Variants in GALNT3 observed in about 807,000 individuals in gnomAD.
GALNT3 encodes GalNAc transferase 3.
GALNT3 carries 51 observed loss-of-function variants against 69.8 expected under a neutral mutation model. That is an observed-to-expected ratio of 0.73 (90% CI 0.58 to 0.92). The LOEUF (loss-of-function observed/expected upper bound fraction) is 0.92. Among genes scored for constraint, GALNT3 ranks in the 40% least tolerant of loss-of-function variants. The probability of loss-of-function intolerance (pLI) is 0.00; values close to 1 mark genes in which losing one functional copy is unlikely to be tolerated. For missense variants in GALNT3, 711 were observed against 760.0 expected, an observed-to-expected ratio of 0.94 and a Z score of 0.76; for synonymous variants, 265 against 248.5, an observed-to-expected ratio of 1.07 and a Z score of -0.63.
rs1468896542 is a variant in GALNT3 at position 165,769,445 on chromosome 2, A to T, written c.515+741T>A. Among the ~76,000 whole-genome samples the T allele has an allele frequency of 2.7e-5, 4 of 145,796 alleles. No homozygotes were observed. In the East Asian group the frequency reaches 8.2e-4, roughly 30 times the overall value. ...AATAATAATAATAATAATAATAAATAAATAAATAAATAATCTGTTGAGGGT... is the reference window on the plus strand; with the variant it reads ...AATAATAATAATAATAATAATAAATTAATAAATAAATAATCTGTTGAGGGT... On this transcript the variant is annotated intron_variant, in intron 2 of 10. Coordinates refer to ENST00000392701, the MANE Select transcript of GALNT3 (RefSeq NM_004482.4).
intron 3 of GALNT3, 101 bp downstream of exon 3, chr2:165,764,783 A>G (rs1416638780): frequency 7.7e-6 from 9 of 1,168,598 alleles, no homozygotes; most frequent in Non-Finnish European, 1.3e-6. Context: ...TATTATATTC[A>G]AGCTCTGAGA....
intron 1 of GALNT3, among the ~76,000 whole-genome samples, chr2:165,780,781 T>C (rs1683089198): frequency 1.3e-5 from 2 of 151,948 alleles, no homozygotes; most frequent in African/African-American, 4.8e-5. Flanking sequence ...GAAGTCTGAG[T>C]CCCTGGTTCA....
intron 1 of GALNT3, among the ~76,000 whole-genome samples, chr2:165,792,816 A>C (rs1392483761): frequency 6.6e-6 from 1 of 152,200 alleles, no homozygotes; most frequent in Non-Finnish European, 1.5e-5. Flanking sequence ...GCAGCGTGTG[A>C]CTTTAACCTC....
intron 1 of GALNT3, among the ~76,000 whole-genome samples, chr2:165,781,840 A>G (rs1189547013): frequency 6.6e-6 from 1 of 152,194 alleles, no homozygotes; most frequent in Non-Finnish European, 1.5e-5. Context: ...TCTAGCCCTG[A>G]GGCAAGACTG....
chr2:165,773,336 C>A (rs1435939712), intron 1 of GALNT3, among the ~76,000 whole-genome samples: 1 of 152,162 alleles, frequency 6.6e-6, no homozygotes, highest in African/African-American at 2.4e-5. Context: ...GTAAGACGTG[C>A]CTTTGCTCTT....
chr2:165,780,340 C>A (rs1200926824), intron 1 of GALNT3, among the ~76,000 whole-genome samples: 1 of 152,178 alleles, frequency 6.6e-6, no homozygotes, highest in Non-Finnish European at 1.5e-5. Flanking sequence ...CATTCACATA[C>A]CTCTTCCTCA....
chr2:165,775,134 C>T (rs569724426), intron 1 of GALNT3, among the ~76,000 whole-genome samples: 1 of 151,822 alleles, frequency 6.6e-6, no homozygotes, highest in Non-Finnish European at 1.5e-5. Flanking sequence ...AGTTTAAGAC[C>T]AGCATTTTTC....
chr2:165,767,378 T>C (rs929685596), intron 2 of GALNT3, among the ~76,000 whole-genome samples: 2 of 152,110 alleles, frequency 1.3e-5, no homozygotes, highest in African/African-American at 4.8e-5. Flanking sequence ...TTAATTAATA[T>C]AGTATTAATC....
intron 1 of GALNT3, among the ~76,000 whole-genome samples, chr2:165,788,117 A>G (rs1397540851): frequency 6.6e-6 from 1 of 152,054 alleles, no homozygotes; most frequent in East Asian, 1.9e-4. Context: ...TCACAAGGTC[A>G]GGAGATCAAG....
In GALNT3 at chr2:165,761,893, A is replaced by G. The variant is rs1290696519; in HGVS notation, c.838+12T>C. The G allele has an allele frequency of 7.4e-6, 12 of 1,613,842 alleles. No homozygotes were observed. Among genetic ancestry groups the G allele is most frequent in the East Asian group, 6.7e-5 (3 of 44,872 alleles). On this transcript the variant is annotated intron_variant, in intron 4 of 10. Transcript: ENST00000392701. ...GAAAATGTTACAACCATATCCATAC[A>G]TATATACTTACAGTGAGCATCTAAA...
intron 2 of GALNT3, among the ~76,000 whole-genome samples, chr2:165,768,792 CTTTT>C (rs71028502): frequency 2.1e-4 from 27 of 126,202 alleles, no homozygotes; most frequent in African/African-American, 3.5e-4. Flanking sequence ...ATCTTGTACT[CTTTT>C]TTTTTTTTTT....
chr2:165,749,428 AT>A (rs1428985462), intron 10 of GALNT3, among the ~76,000 whole-genome samples: 19 of 152,146 alleles, frequency 1.2e-4, no homozygotes, highest in Admixed American at 7.2e-4. Context: ...CAGAAAAAAA[AT>A]ATGACTGTTG....
At chr2:165,789,684 C>CA (rs1434092187) in intron 1 of GALNT3, among the ~76,000 whole-genome samples, 1 of 139,262 alleles carries the variant, frequency 7.2e-6, no homozygotes, top group Admixed American at 7.5e-5. Flanking sequence ...GCCTGGGCAA[C>CA]ATAGTGAGAC....
Position 165,770,390 on chromosome 2 carries a change from G to C in GALNT3, c.311C>G (p.Ala104Gly), listed in dbSNP as rs778442174. ...ERPCLQGYYT[A>G]AELKPVLDRP... ...GTCAAGGACAGGCTTCAATTCTGCT[G>C]CTGTATAATATCCTTGCAAACAAGG... The change falls in exon 2 of 11, where the codon GCA becomes GGA. Residue 104 changes from alanine (A) to glycine (G), a missense_variant. Physicochemically the swap from Ala to Gly is moderately conservative, Grantham distance 60. Coordinates refer to ENST00000392701, the MANE Select transcript of GALNT3 (RefSeq NM_004482.4). The C allele has an allele frequency of 4.3e-6, 7 of 1,614,088 alleles. No homozygotes were observed. In the Admixed American group the frequency reaches 8.3e-5, roughly 19 times the overall value.
intron 2 of GALNT3, among the ~76,000 whole-genome samples, chr2:165,769,793 C>T (rs1438768420): frequency 6.6e-6 from 1 of 152,146 alleles, no homozygotes; most frequent in African/African-American, 2.4e-5. Context: ...TGTTTTTAAA[C>T]ATTTTTATTC....
intron 4 of GALNT3, 49 bp downstream of exon 4, chr2:165,761,856 G>A: frequency 6.3e-7 from 1 of 1,585,464 alleles, no homozygotes; most frequent in South Asian, 1.1e-5. Context: ...TTAAATTAGA[G>A]GGAGAGGGAG....
rs1688298151 is a variant in GALNT3, at chr2:165,748,439, A to C, written c.*342T>G. 3.5e-6 allele frequency: 1 copy of C among 287,650 alleles called. No individual in the cohort carries two copies. Among genetic ancestry groups the C allele is most frequent in the African/African-American group, 2.2e-5 (1 of 45,944 alleles). The allele number at this position is 287,650 out of a possible 1,614,324, so 17.8% of individuals were successfully genotyped here. On this transcript the variant is annotated 3_prime_UTR_variant, in exon 11 of 11. Transcript: ENST00000392701. ...CCAAAAAACTAGGGGAAATATTTTA[A>C]ATTGTGAGTGTGTGAATGTAGCTAT...
chr2:165,779,746 A>C (rs1164981309), intron 1 of GALNT3, among the ~76,000 whole-genome samples: 1 of 152,224 alleles, frequency 6.6e-6, no homozygotes, highest in Non-Finnish European at 1.5e-5. Context: ...GAGAAAGCTG[A>C]TTGAAAAAAA....
intron 2 of GALNT3, among the ~76,000 whole-genome samples, chr2:165,766,072 T>A (rs1413003470): frequency 6.6e-6 from 1 of 152,196 alleles, no homozygotes; most frequent in Non-Finnish European, 1.5e-5. Context: ...AGCCATCATG[T>A]CCAGCCTAAA....
Sources: allele counts gnomAD v4.1 joint callset (sites outside exome capture counted in the v4.1 genomes callset), GRCh38; gene constraint gnomAD v4.1.1; transcripts MANE v1.5; gene names NCBI Gene and HGNC (gene_info 2026-07-23, HGNC 2026-07-21).